GMPR: variants seen among roughly 807,000 people sequenced by gnomAD.
The protein encoded by GMPR is guanosine monophosphate reductase, also known as GMP reductase 1.
Under a neutral mutation model 38.4 loss-of-function variants are expected in GMPR, and 31 were observed. That is an observed-to-expected ratio of 0.81 (90% CI 0.61 to 1.09). The LOEUF (loss-of-function observed/expected upper bound fraction) is 1.09. Among genes scored for constraint, GMPR ranks in the 50% least tolerant of loss-of-function variants. The pLI, the probability that GMPR is intolerant of heterozygous loss-of-function variation, is 0.00. For missense variants in GMPR, 468 were observed against 453.7 expected (o/e 1.03, Z -0.29); for synonymous variants, 162 against 173.3 (o/e 0.93, Z 0.51).
chr6:16,252,479 C>A (rs1301279861), intron 3 of GMPR, among the ~76,000 whole-genome samples: 1 of 152,024 alleles, frequency 6.6e-6, no homozygotes, highest in East Asian at 1.9e-4. Flanking sequence ...CTGAAATGAT[C>A]CACCCACCTC....
intron 6 of GMPR, among the ~76,000 whole-genome samples, chr6:16,283,999 G>A (rs1422535387): frequency 2.0e-5 from 3 of 152,146 alleles, no homozygotes; most frequent in African/African-American, 4.8e-5. Flanking sequence ...CATTAACAAG[G>A]GGTATAGAGC....
intron 7 of GMPR, among the ~76,000 whole-genome samples, chr6:16,289,114 G>C (rs1037910126): frequency 6.6e-6 from 1 of 152,218 alleles, no homozygotes; most frequent in Admixed American, 6.5e-5. Context: ...TTGCTGCTCG[G>C]TCTTTAGGCC....
At chr6:16,244,702 TG>T (rs1197852216) in intron 1 of GMPR, among the ~76,000 whole-genome samples, 8 of 152,188 alleles carry the variant, frequency 5.3e-5, no homozygotes, top group Admixed American at 5.2e-4. Context: ...CCAGACTAAG[TG>T]CCAAGTGTTG....
intron 6 of GMPR, 150 bp from the exon 7 acceptor site, chr6:16,285,643 C>T: frequency 2.9e-6 from 2 of 679,786 alleles, no homozygotes; most frequent in Non-Finnish European, 5.3e-6. Flanking sequence ...GATCAGACAA[C>T]AACAGCCGTG....
In GMPR at chr6:16,295,310, C is replaced by G; in HGVS notation, c.*124C>G. The G allele has an allele frequency of 1.4e-6, 1 of 718,920 alleles. No homozygotes were observed. The highest frequency in any genetic ancestry group is 2.1e-6 in the Non-Finnish European group (1 of 481,200). 44.5% of individuals were successfully genotyped at this position (718,920 alleles called of 1,614,324 possible). On this transcript the variant is annotated 3_prime_UTR_variant, in exon 9 of 9. Transcript: ENST00000259727. ...TGAATGGTGGAATGCTGTGTCCTCT[C>G]TTCTGTCTCCTGCTGCCTGGAGGCT...
rs569821606 is a variant in GMPR at position 16,272,510 on chromosome 6, C to T, written c.466-1905C>T. ...ATAGAGATTCCATCTGATGTTTTCT[C>T]TACAGTATTTACTGTTTACAACTAT... On this transcript the variant is annotated intron_variant, in intron 4 of 8. Coordinates refer to ENST00000259727, the MANE Select transcript of GMPR (RefSeq NM_006877.4). 1.1e-4 allele frequency among the ~76,000 whole-genome samples: 16 copies of T among 152,344 alleles called. No homozygotes were observed. In the East Asian group the frequency reaches 2.9e-3, roughly 28 times the overall value.
At chr6:16,267,962 T>G (rs1029993585) in intron 4 of GMPR, among the ~76,000 whole-genome samples, 1 of 152,142 alleles carries the variant, frequency 6.6e-6, no homozygotes, top group Admixed American at 6.5e-5. Flanking sequence ...TTTCTCAAGG[T>G]TCTGAGCCAC....
chr6:16,246,730 G>T, intron 1 of GMPR, 112 bp from the exon 2 acceptor site: 1 of 1,001,444 alleles, frequency 1.0e-6, no homozygotes, highest in African/African-American at 1.6e-5. Context: ...AGAGAATCCA[G>T]GGACCTTTGT....
At chr6:16,287,797 G>C (rs1759717139) in intron 7 of GMPR, among the ~76,000 whole-genome samples, 1 of 152,210 alleles carries the variant, frequency 6.6e-6, no homozygotes, top group South Asian at 2.1e-4. Flanking sequence ...TGCCACTTAG[G>C]AAGGTTGCGT....
chr6:16,295,226 C>G lies in GMPR; in HGVS notation c.*40C>G. On this transcript the variant is annotated 3_prime_UTR_variant, in exon 9 of 9. Transcript: ENST00000259727. Reference sequence around the variant, plus strand: ...CAGCGTCTGGCTCGAGTGGAAGCGTCCAAACCTGCTTTTCCCATCTCCCCC... The same window carrying G: ...CAGCGTCTGGCTCGAGTGGAAGCGTGCAAACCTGCTTTTCCCATCTCCCCC... 2 of 1,430,088 alleles carry G rather than the reference C, an allele frequency of 1.4e-6. No individual in the cohort carries two copies. Among genetic ancestry groups the G allele is most frequent in the Non-Finnish European group, 1.9e-6 (2 of 1,079,850 alleles). 88.6% of individuals were successfully genotyped at this position (1,430,088 alleles called of 1,614,324 possible).
chr6:16,264,038 C>G (rs941841674), intron 4 of GMPR, among the ~76,000 whole-genome samples: 1 of 151,878 alleles, frequency 6.6e-6, no homozygotes, highest in African/African-American at 2.4e-5. Context: ...CAGGACTTGC[C>G]GCTAAGGGTG....
chr6:16,266,569 G>T (rs1373802040), intron 4 of GMPR, among the ~76,000 whole-genome samples: 1 of 151,400 alleles, frequency 6.6e-6, no homozygotes, highest in Non-Finnish European at 1.5e-5. Context: ...TTGGGAGGCC[G>T]AGATGGGTGG....
rs140808796 is a variant in GMPR at position 16,252,527 on chromosome 6, C to T, written c.292-2035C>T. On this transcript the variant is annotated intron_variant, in intron 3 of 8. Transcript: ENST00000259727. ...TGCTGGGATTATAGGCATGAGCCACCATGCCCGGCCTCCCTCCACCTTCTT... is the reference window on the plus strand; with the variant it reads ...TGCTGGGATTATAGGCATGAGCCACTATGCCCGGCCTCCCTCCACCTTCTT... Among the ~76,000 whole-genome samples the T allele has an allele frequency of 2.3e-3, 343 of 152,302 alleles. 3 individuals are homozygous for T. The highest frequency in any genetic ancestry group is 7.3e-3 in the African/African-American group (305 of 41,560).
chr6:16,251,336 C>T (rs573554286), intron 3 of GMPR, among the ~76,000 whole-genome samples: 12 of 152,232 alleles, frequency 7.9e-5, no homozygotes, highest in South Asian at 2.1e-4. Flanking sequence ...TTTGGGAGGC[C>T]GAGTCGGGTG....
At position 16,250,371 on chromosome 6, in the gene GMPR, C is replaced by G. The variant is rs113143442; in HGVS notation, c.291+4C>G. The G allele has an allele frequency of 2.3e-4, 359 of 1,545,852 alleles. 1 individual carries two copies. In the African/African-American group the frequency reaches 4.1e-3, roughly 18 times the overall value. On this transcript the variant is annotated splice_donor_region_variant and intron_variant, in intron 3 of 8. Transcript: ENST00000259727. The stretch of plus-strand genomic sequence containing the variant: ...AAATCACCCAGAATGCCTGCAGGTA[C>G]GACTACAGCCTGGTTATCAATTACC...
chr6:16,261,643 T>G (rs916200466), intron 4 of GMPR, among the ~76,000 whole-genome samples: 2 of 151,910 alleles, frequency 1.3e-5, no homozygotes, highest in East Asian at 1.9e-4. Flanking sequence ...ATGGGGGAAT[T>G]ATAAGGAGAG....
chr6:16,290,375 C>A, intron 7 of GMPR, 87 bp from the exon 8 acceptor site: 1 of 1,211,512 alleles, frequency 8.3e-7, no homozygotes, highest in Non-Finnish European at 1.2e-6. Flanking sequence ...GGGAGGTGAA[C>A]TGGGCAAGCA....
rs554383030 is a variant in GMPR, at chr6:16,238,710, C to G, written c.17C>G (p.Ala6Gly). Residue 6 changes from alanine to glycine, a missense_variant, in exon 1 of 9, where the codon GCG (alanine) becomes GGG (glycine). Physicochemically the swap from Ala to Gly is moderately conservative, Grantham distance 60. Transcript: ENST00000259727. ...CGCTGCACCATGCCCCGCATAGATG[C>G]GGACCTCAAGCTCGACTTCAAGGAT... is the stretch of plus-strand genomic sequence containing the variant. MPRIDADLKLDFKDVL... is the reference protein window; with the variant it reads MPRIDGDLKLDFKDVL... 7.0e-7 allele frequency: 1 copy of G among 1,430,732 alleles called. No individual in the cohort carries two copies. The highest frequency in any genetic ancestry group is 2.4e-5 in the Admixed American group (1 of 42,250). The allele number at this position is 1,430,732 out of a possible 1,614,324, so 88.6% of individuals were successfully genotyped here.
chr6:16,290,371 T>G (rs1581668544), intron 7 of GMPR, 91 bp from the exon 8 acceptor site: 15 of 1,129,412 alleles, frequency 1.3e-5, no homozygotes, highest in East Asian at 2.4e-5. Flanking sequence ...GGGAGGGAGG[T>G]GAACTGGGCA....
Sources: gnomAD v4.1 joint callset for allele counts (sites outside exome capture counted in the v4.1 genomes callset) on GRCh38, gnomAD v4.1.1 for gene constraint, MANE v1.5 for transcripts, NCBI Gene and HGNC (gene_info 2026-07-23, HGNC 2026-07-21) for gene names.